FRMD4A: variants seen among roughly 807,000 people sequenced by gnomAD.
FRMD4A encodes the protein FERM domain containing 4A, also known as FERM domain-containing protein 4A.
A neutral mutation model predicts 129.1 loss-of-function variants in FRMD4A; 29 were observed. The ratio of observed to expected loss-of-function variants is 0.22; its 90% CI spans 0.17 to 0.31. The LOEUF (loss-of-function observed/expected upper bound fraction) is 0.31, where lower values mean the gene tolerates loss of function less well. Among genes scored for constraint, FRMD4A ranks in the 10% least tolerant of loss-of-function variants. FRMD4A has a pLI of 1.00. For synonymous variants in FRMD4A, 634 were observed against 571.6 expected (o/e 1.11, Z -1.56); for missense variants, 1,272 against 1,375.8 (o/e 0.92, Z 1.19).
At chr10:14,320,816 T>C (rs765272956) in intron 2 of FRMD4A, among the ~76,000 whole-genome samples, 1 of 152,210 alleles carries the variant, frequency 6.6e-6, no homozygotes, top group Non-Finnish European at 1.5e-5. Flanking sequence ...GAAGAGTGCA[T>C]GAAGCTGGAG....
intron 11 of FRMD4A, among the ~76,000 whole-genome samples, chr10:13,739,309 C>T (rs879478907): frequency 7.2e-5 from 11 of 152,182 alleles, no homozygotes; most frequent in South Asian, 2.1e-4. Context: ...TGCACTGCAA[C>T]GGTTTCAGAG....
At chr10:13,986,643 A>G (rs759799338) in intron 2 of FRMD4A, among the ~76,000 whole-genome samples, 6 of 149,996 alleles carry the variant, frequency 4.0e-5, no homozygotes, top group Non-Finnish European at 7.4e-5. Context: ...AACTTAAAGT[A>G]TAACAATAAT....
intron 2 of FRMD4A, among the ~76,000 whole-genome samples, chr10:14,079,060 C>G (rs552241279): frequency 1.3e-5 from 2 of 152,200 alleles, no homozygotes; most frequent in Non-Finnish European, 2.9e-5. Context: ...GCTTTTGAAA[C>G]AGAAATAGAC....
chr10:13,796,608 A>T lies in FRMD4A; in HGVS notation c.207-20T>A, dbSNP rs781086783. 1.5e-6 allele frequency: 2 copies of T among 1,321,006 alleles called. No individual in the cohort carries two copies. The highest frequency in any genetic ancestry group is 2.2e-6 in the Non-Finnish European group (2 of 911,444). The allele number at this position is 1,321,006 out of a possible 1,614,324, so 81.8% of individuals were successfully genotyped here. On this transcript the variant is annotated intron_variant, in intron 4 of 24. Coordinates refer to ENST00000357447, the MANE Select transcript of FRMD4A (RefSeq NM_018027.5). The stretch of plus-strand genomic sequence containing the variant: ...TGTCCCCTGAAGAAAATAGAGACAA[A>T]TTGGTTAGGGGTTTGCATTTTGCAG...
At chr10:13,778,757 C>A (rs558149345) in intron 6 of FRMD4A, among the ~76,000 whole-genome samples, 2 of 152,158 alleles carry the variant, frequency 1.3e-5, no homozygotes, top group South Asian at 2.1e-4. Context: ...GACAAGCGCA[C>A]GAGGAGAGCC....
intron 2 of FRMD4A, among the ~76,000 whole-genome samples, chr10:13,994,814 G>C (rs2095616743): frequency 6.6e-6 from 1 of 152,196 alleles, no homozygotes; most frequent in South Asian, 2.1e-4. Context: ...GCACAGCTGA[G>C]TAGTAGCTGG....
intron 2 of FRMD4A, among the ~76,000 whole-genome samples, chr10:13,966,513 A>G (rs1346418833): frequency 6.6e-6 from 1 of 152,230 alleles, no homozygotes; most frequent in Non-Finnish European, 1.5e-5. Context: ...TGGAAAAACA[A>G]AAGTCCCCGT....
chr10:14,143,632 G>A (rs973409616), intron 2 of FRMD4A, among the ~76,000 whole-genome samples: 1 of 152,158 alleles, frequency 6.6e-6, no homozygotes, highest in Non-Finnish European at 1.5e-5. Flanking sequence ...TGTTGTTTCT[G>A]AGACAAGAGT....
chr10:13,658,688 C>T (rs1377287163), intron 21 of FRMD4A, among the ~76,000 whole-genome samples: 2 of 152,162 alleles, frequency 1.3e-5, no homozygotes, highest in African/African-American at 2.4e-5. Flanking sequence ...CCAGACCAGC[C>T]TGGCCAACAT....
chr10:14,225,129 G>A (rs565123842), intron 2 of FRMD4A, among the ~76,000 whole-genome samples: 144 of 152,184 alleles, frequency 9.5e-4, no homozygotes, highest in Non-Finnish European at 1.5e-3. Flanking sequence ...ACCAGGTGGC[G>A]GTAAGTTAAT....
chr10:14,177,555 G>A (rs1841775574), intron 2 of FRMD4A, among the ~76,000 whole-genome samples: 1 of 152,128 alleles, frequency 6.6e-6, no homozygotes, highest in African/African-American at 2.4e-5. Context: ...CTGCCCCGCT[G>A]CCTCCTGGCC....
At chr10:13,917,208 G>A (rs552825001) in intron 2 of FRMD4A, among the ~76,000 whole-genome samples, 11 of 152,104 alleles carry the variant, frequency 7.2e-5, no homozygotes, top group African/African-American at 9.6e-5. Flanking sequence ...ATAAGCATGC[G>A]GATATTAATA....
Position 13,656,835 on chromosome 10 carries a change from G to A in FRMD4A, c.2754C>T (p.Gly918=), listed in dbSNP as rs746351922. ...SLGREGAHDK[G]AGRAAVSDEL... ...CGTCTGAGACGGCGGCACGGCCCGC[G>A]CCCTTGTCGTGGGCGCCCTCGCGGC... The change falls in exon 22 of 25, where the codon GGC becomes GGT. Residue 918 remains glycine, a synonymous_variant. Transcript: ENST00000357447. 1.6e-5 allele frequency: 24 copies of A among 1,531,720 alleles called. No homozygotes were observed. Among genetic ancestry groups the A allele is most frequent in the Non-Finnish European group, 2.0e-5 (23 of 1,143,338 alleles). 94.9% of individuals were successfully genotyped at this position (1,531,720 alleles called of 1,614,324 possible). A position where few individuals can be genotyped will look rare whatever the true frequency, so the allele number is the denominator to read the frequency against.
At chr10:13,904,605 A>G (rs966708223) in intron 2 of FRMD4A, among the ~76,000 whole-genome samples, 1 of 152,234 alleles carries the variant, frequency 6.6e-6, no homozygotes, top group Non-Finnish European at 1.5e-5. Context: ...TACACGGTGT[A>G]TGGTATTTAA....
intron 12 of FRMD4A, among the ~76,000 whole-genome samples, chr10:13,723,957 T>G (rs1369295003): frequency 6.6e-6 from 1 of 152,244 alleles, no homozygotes; most frequent in Non-Finnish European, 1.5e-5. Context: ...TCTAATTTCT[T>G]AATAAAAGCT....
At chr10:13,768,122 G>T (rs1035027817) in intron 6 of FRMD4A, among the ~76,000 whole-genome samples, 11 of 151,718 alleles carry the variant, frequency 7.3e-5, no homozygotes, top group Non-Finnish European at 1.5e-4. Context: ...TCTGAGTAGG[G>T]GTGGGAAGGG....
At chr10:13,692,872 T>G (rs2085845597) in intron 15 of FRMD4A, 1 of 151,678 alleles carries the variant, frequency 6.6e-6, no homozygotes, top group African/African-American at 2.4e-5. Flanking sequence ...CCACTTTTCT[T>G]TTTTTGTTTT....
At chr10:13,678,210 G>C (rs192894653) in intron 15 of FRMD4A, among the ~76,000 whole-genome samples, 1 of 152,266 alleles carries the variant, frequency 6.6e-6, no homozygotes, top group Admixed American at 6.5e-5. Context: ...AGTCCTGGCA[G>C]ACTAGATGGC....
intron 14 of FRMD4A, among the ~76,000 whole-genome samples, chr10:13,697,774 G>A (rs895988057): frequency 1.9e-4 from 29 of 152,300 alleles, no homozygotes; most frequent in African/African-American, 7.0e-4. Context: ...TTTGGATTGG[G>A]GGCCAATTCA....
Sources: gnomAD v4.1 joint callset for allele counts (sites outside exome capture counted in the v4.1 genomes callset) on GRCh38, gnomAD v4.1.1 for gene constraint, MANE v1.5 for transcripts, NCBI Gene and HGNC (gene_info 2026-07-23, HGNC 2026-07-21) for gene names.